The following ADAMTSL1 variants were observed in gnomAD, a reference collection of about 807,000 sequenced individuals.
ADAMTSL1 encodes ADAMTS-like protein 1.
ADAMTSL1 carries 126 observed loss-of-function variants against 201.8 expected under a neutral mutation model. The ratio of observed to expected loss-of-function variants is 0.62; its 90% CI spans 0.54 to 0.72. The LOEUF is 0.72. Ranked by LOEUF, ADAMTSL1 falls within the 30% of genes least tolerant of loss-of-function variation. The pLI is 0.00. For synonymous variants in ADAMTSL1, 1,121 were observed against 903.4 expected (o/e 1.24, Z -4.32); for missense variants, 2,679 against 2,277.8 (o/e 1.18, Z -3.59).
At chr9:18,795,979 G>A (rs144528278) in intron 20 of ADAMTSL1, among the ~76,000 whole-genome samples, 1 of 152,276 alleles carries the variant, frequency 6.6e-6, no homozygotes, top group Non-Finnish European at 1.5e-5. Context: ...AAGCAGGAGT[G>A]TTCCCCAGTA....
chr9:18,622,004 T>A (rs1209109969), intron 4 of ADAMTSL1, among the ~76,000 whole-genome samples: 3 of 152,116 alleles, frequency 2.0e-5, no homozygotes, highest in African/African-American at 4.8e-5. Context: ...TCTCTCTCAT[T>A]CTCTTTCTTT....
chr9:18,571,809 C>A (rs1465766526), intron 3 of ADAMTSL1, among the ~76,000 whole-genome samples: 1 of 152,150 alleles, frequency 6.6e-6, no homozygotes, highest in Non-Finnish European at 1.5e-5. Context: ...GAAGTCTTAT[C>A]TTTGGAATGT....
intron 1 of ADAMTSL1, among the ~76,000 whole-genome samples, chr9:18,090,959 C>T (rs1823986414): frequency 1.3e-5 from 2 of 151,780 alleles, no homozygotes; most frequent in South Asian, 2.1e-4. Flanking sequence ...CATGTAGCTT[C>T]TCTCTCACTT....
At chr9:18,431,370 G>T (rs1427962035) in intron 2 of ADAMTSL1, among the ~76,000 whole-genome samples, 1 of 152,122 alleles carries the variant, frequency 6.6e-6, no homozygotes, top group Non-Finnish European at 1.5e-5. Flanking sequence ...TATCAGTGTG[G>T]CTCATTTTTC....
At chr9:18,140,306 T>C (rs78976685) in intron 1 of ADAMTSL1, among the ~76,000 whole-genome samples, 2,131 of 152,266 alleles carry the variant, frequency 0.014, 49 homozygotes, top group African/African-American at 0.049. Context: ...TTCAGTGATT[T>C]GCCGAGACTC....
chr9:18,878,568 C>T (rs531178210), intron 23 of ADAMTSL1, among the ~76,000 whole-genome samples: 14 of 152,320 alleles, frequency 9.2e-5, no homozygotes, highest in African/African-American at 3.1e-4. Context: ...CTTCAGGTTC[C>T]CCAGTGAGGA....
intron 1 of ADAMTSL1, among the ~76,000 whole-genome samples, chr9:18,478,717 T>C (rs1175158373): frequency 2.0e-5 from 3 of 152,198 alleles, no homozygotes; most frequent in Non-Finnish European, 2.9e-5. Flanking sequence ...CTTCGTAGCA[T>C]AAGGACCGGA....
At chr9:18,614,304 A>G (rs1825568677) in intron 4 of ADAMTSL1, among the ~76,000 whole-genome samples, 1 of 152,142 alleles carries the variant, frequency 6.6e-6, no homozygotes, top group Admixed American at 6.6e-5. Flanking sequence ...TGCCATCTAA[A>G]CCTCAAGGGG....
At chr9:18,528,842 T>C (rs527645702) in intron 2 of ADAMTSL1, among the ~76,000 whole-genome samples, 7 of 152,174 alleles carry the variant, frequency 4.6e-5, no homozygotes, top group Non-Finnish European at 8.8e-5. Context: ...AATCCTCTCT[T>C]ATCATTTGTC....
At chr9:18,837,204 G>A (rs984243667) in intron 23 of ADAMTSL1, among the ~76,000 whole-genome samples, 3 of 152,012 alleles carry the variant, frequency 2.0e-5, no homozygotes, top group African/African-American at 7.3e-5. Flanking sequence ...TCTCAAAGAC[G>A]TTCTCATATT....
At chr9:18,649,006 C>A (rs1412663280) in intron 7 of ADAMTSL1, among the ~76,000 whole-genome samples, 49 of 152,298 alleles carry the variant, frequency 3.2e-4, no homozygotes, top group Middle Eastern at 3.4e-3. Context: ...TCCATTCTCC[C>A]CATCACTTTC....
At chr9:18,037,861 G>C (rs76963878) in intron 1 of ADAMTSL1, among the ~76,000 whole-genome samples, 2,672 of 152,176 alleles carry the variant, frequency 0.018, 82 homozygotes, top group African/African-American at 0.061. Context: ...CAAAACAAAT[G>C]GTGCGCAATT....
chr9:18,320,643 C>G (rs1339411185), intron 2 of ADAMTSL1, among the ~76,000 whole-genome samples: 1 of 152,020 alleles, frequency 6.6e-6, no homozygotes, highest in African/African-American at 2.4e-5. Context: ...GTTTTTAATG[C>G]AAAATTCCAA....
At position 18,287,620 on chromosome 9, in the gene ADAMTSL1, TATAC is replaced by T. The variant is rs367803097; in HGVS notation, c.207+123643_207+123646del. On this transcript the variant is annotated intron_variant, in intron 2 of 29. Transcript: ENST00000680146. The stretch of plus-strand genomic sequence containing the variant: ...ACACATATATGCATATATGTATGTG[TATAC>T]ATATACGCATATATGTATGTGTATA... Among the ~76,000 whole-genome samples, 346 of 149,202 alleles carry T rather than the reference TATAC, an allele frequency of 2.3e-3. 3 individuals are homozygous for T. Among genetic ancestry groups the T allele is most frequent in the African/African-American group, 7.5e-3 (306 of 40,714 alleles).
intron 1 of ADAMTSL1, among the ~76,000 whole-genome samples, chr9:18,029,499 T>G (rs1820844796): frequency 6.6e-6 from 1 of 152,186 alleles, no homozygotes; most frequent in African/African-American, 2.4e-5. Context: ...AAGGACTTCA[T>G]GTCTAAAACA....
intron 28 of ADAMTSL1, chr9:18,907,615 C>T (rs1048252375): frequency 3.3e-5 from 5 of 152,280 alleles, no homozygotes; most frequent in African/African-American, 1.2e-4. Flanking sequence ...GTTTTCTCCC[C>T]AACTGGGCCT....
At chr9:18,352,376 C>T (rs1023346679) in intron 2 of ADAMTSL1, among the ~76,000 whole-genome samples, 1 of 152,132 alleles carries the variant, frequency 6.6e-6, no homozygotes, top group Non-Finnish European at 1.5e-5. Flanking sequence ...GGATGTTGTT[C>T]TAAATCTTCC....
intron 1 of ADAMTSL1, among the ~76,000 whole-genome samples, chr9:18,160,591 A>G (rs942511321): frequency 2.0e-5 from 3 of 152,044 alleles, no homozygotes; most frequent in Admixed American, 6.6e-5. Context: ...TCAAATGTAA[A>G]GTAACCATGT....
chr9:18,474,457 AC>A (rs1203639248), intron 1 of ADAMTSL1, among the ~76,000 whole-genome samples, 162 bp downstream of exon 1: 1 of 152,078 alleles, frequency 6.6e-6, no homozygotes, highest in African/African-American at 2.4e-5. Context: ...TCCTTCTAGA[AC>A]TTTTAACCTC....
Sources: gnomAD v4.1 joint callset for allele counts (sites outside exome capture counted in the v4.1 genomes callset) on GRCh38, gnomAD v4.1.1 for gene constraint, MANE v1.5 for transcripts, NCBI Gene and HGNC (gene_info 2026-07-23, HGNC 2026-07-21) for gene names.